MORC1: variants seen among roughly 807,000 people sequenced by gnomAD.
The protein encoded by MORC1 is MORC family CW-type zinc finger protein 1.
Under a neutral mutation model 134.9 loss-of-function variants are expected in MORC1, and 59 were observed. The observed-to-expected ratio is 0.44, with a 90% confidence interval of 0.35 to 0.54. The LOEUF (loss-of-function observed/expected upper bound fraction) is 0.54, where lower values mean the gene tolerates loss of function less well. Ranked by LOEUF, MORC1 falls within the 20% of genes least tolerant of loss-of-function variation. MORC1 has a pLI of 0.00. For missense variants in MORC1, 947 were observed against 1,134.5 expected, an observed-to-expected ratio of 0.83 and a Z score of 2.37; for synonymous variants, 395 against 391.7, an observed-to-expected ratio of 1.01 and a Z score of -0.10.
chr3:109,043,103 G>A (rs1463392696), intron 14 of MORC1, among the ~76,000 whole-genome samples: 1 of 138,426 alleles, frequency 7.2e-6, no homozygotes, highest in East Asian at 2.2e-4. Flanking sequence ...CATCTTCATA[G>A]TAACATTATT....
chr3:109,055,368 T>A (rs1271332624), intron 13 of MORC1, among the ~76,000 whole-genome samples: 7 of 152,184 alleles, frequency 4.6e-5, no homozygotes, highest in Admixed American at 3.9e-4. Flanking sequence ...TCCATGAGGA[T>A]CTCACTGGAA....
chr3:109,025,295 T>C (rs1043437212), intron 17 of MORC1, among the ~76,000 whole-genome samples: 3 of 151,960 alleles, frequency 2.0e-5, no homozygotes, highest in African/African-American at 7.3e-5. Flanking sequence ...GCCCTATCCT[T>C]TTCCCTCTAT....
At chr3:109,041,969 G>C (rs1949564408) in intron 14 of MORC1, among the ~76,000 whole-genome samples, 1 of 151,826 alleles carries the variant, frequency 6.6e-6, no homozygotes, top group African/African-American at 2.4e-5. Context: ...GAATAAAAGT[G>C]AACAGAGCCT....
chr3:109,075,659 T>C (rs555925334), intron 8 of MORC1, among the ~76,000 whole-genome samples: 2 of 152,286 alleles, frequency 1.3e-5, no homozygotes, highest in East Asian at 1.9e-4. Context: ...CTGGTCTATA[T>C]ATCTGTTTTG....
In MORC1 at chr3:108,998,192, G is replaced by A. The variant is rs1035262311; in HGVS notation, c.2187+2365C>T. 5.9e-5 allele frequency among the ~76,000 whole-genome samples: 9 copies of A among 152,156 alleles called. No individual in the cohort carries two copies. The East Asian group carries it at 1.2e-3, about 20-fold the overall frequency. On this transcript the variant is annotated intron_variant, in intron 21 of 27. Transcript: ENST00000232603. ...GCCAGCCCATGCAGATGGGCATAAC[G>A]GGACAGAACGCATAGCTTAAGTCAA...
chr3:108,999,533 T>C (rs1453077490), intron 21 of MORC1, among the ~76,000 whole-genome samples: 3 of 152,220 alleles, frequency 2.0e-5, no homozygotes, highest in East Asian at 1.9e-4. Context: ...GACATTATCA[T>C]AAGTTAAGCT....
chr3:109,047,493 T>C (rs1428792725), intron 14 of MORC1, among the ~76,000 whole-genome samples: 2 of 152,104 alleles, frequency 1.3e-5, no homozygotes, highest in Non-Finnish European at 2.9e-5. Context: ...CTTTCAATGG[T>C]AGTAATTTCA....
intron 17 of MORC1, among the ~76,000 whole-genome samples, chr3:109,012,415 T>G (rs1260956483): frequency 6.6e-6 from 1 of 152,208 alleles, no homozygotes; most frequent in African/African-American, 2.4e-5. Flanking sequence ...AGGTTATTTT[T>G]TCTAAATTCT....
chr3:108,995,028 T>C (rs1219770379), intron 21 of MORC1, among the ~76,000 whole-genome samples: 1 of 152,204 alleles, frequency 6.6e-6, no homozygotes, highest in African/African-American at 2.4e-5. Flanking sequence ...TATGAAGCAT[T>C]GTATAGTAAC....
chr3:109,024,443 T>A (rs1949028558), intron 17 of MORC1, among the ~76,000 whole-genome samples: 1 of 152,184 alleles, frequency 6.6e-6, no homozygotes, highest in Non-Finnish European at 1.5e-5. Context: ...TGGGACAACA[T>A]CTAATAATTA....
At chr3:109,114,278 T>A (rs1951226858) in intron 2 of MORC1, 106 bp downstream of exon 2, 1 of 1,011,508 alleles carries the variant, frequency 9.9e-7, no homozygotes. Context: ...TCACAAAACA[T>A]TCCAGATGGG....
In MORC1 at chr3:109,069,696, T is replaced by G. The variant is rs778298548; in HGVS notation, c.751A>C (p.Arg251=). 1 of 1,613,140 alleles carries G rather than the reference T, an allele frequency of 6.2e-7. No individual in the cohort carries two copies. The highest frequency in any genetic ancestry group is 8.5e-7 in the Non-Finnish European group (1 of 1,179,314). The part of the protein sequence containing the change: ...TSVLYFNPWM[R]IFIQAKRVKT... ...ACTCTCTTGGCTTGAATGAATATTC[T>G]CATCCATGGGTTAAAATACAGAACA... Residue 251 remains arginine (R), a synonymous_variant, in exon 9 of 28, where the codon AGA becomes CGA. Coordinates refer to ENST00000232603, the MANE Select transcript of MORC1 (RefSeq NM_014429.4).
At chr3:109,045,308 C>T (rs1949668707) in intron 14 of MORC1, among the ~76,000 whole-genome samples, 1 of 151,354 alleles carries the variant, frequency 6.6e-6, no homozygotes, top group African/African-American at 2.4e-5. Flanking sequence ...GAATACTGTC[C>T]TGTTTGTCAT....
At chr3:108,984,652 G>A in intron 23 of MORC1, 64 bp downstream of exon 23, 1 of 1,204,368 alleles carries the variant, frequency 8.3e-7, no homozygotes, top group Non-Finnish European at 1.2e-6. Context: ...TTTAAACATT[G>A]ATAATTACTT....
At chr3:109,024,844 T>C (rs1949037346) in intron 17 of MORC1, among the ~76,000 whole-genome samples, 1 of 152,214 alleles carries the variant, frequency 6.6e-6, no homozygotes, top group Admixed American at 6.5e-5. Flanking sequence ...TATTTGAAAC[T>C]GAATGGGGCC....
intron 17 of MORC1, among the ~76,000 whole-genome samples, chr3:109,016,250 C>T (rs189044170): frequency 6.6e-6 from 1 of 152,230 alleles, no homozygotes; most frequent in African/African-American, 2.4e-5. Context: ...ATCCACACTA[C>T]AAGAAATATG....
At chr3:108,979,891 C>G (rs1387648532) in intron 23 of MORC1, among the ~76,000 whole-genome samples, 2 of 151,916 alleles carry the variant, frequency 1.3e-5, no homozygotes, top group Non-Finnish European at 2.9e-5. Flanking sequence ...TAGGTAGTGA[C>G]AATTAAATGG....
chr3:109,099,283 A>G, intron 6 of MORC1, 75 bp downstream of exon 6: 1 of 1,028,084 alleles, frequency 9.7e-7, no homozygotes, highest in Non-Finnish European at 1.4e-6. Context: ...ACCCATGACA[A>G]GACTTCACCT....
intron 23 of MORC1, among the ~76,000 whole-genome samples, chr3:108,980,146 C>T (rs896968551): frequency 5.9e-5 from 9 of 152,096 alleles, no homozygotes; most frequent in African/African-American, 1.7e-4. Context: ...TCTCTTTTCT[C>T]CATTTCCCCA....
Sources: gnomAD v4.1 joint callset for allele counts (sites outside exome capture counted in the v4.1 genomes callset) on GRCh38, gnomAD v4.1.1 for gene constraint, MANE v1.5 for transcripts, NCBI Gene and HGNC (gene_info 2026-07-23, HGNC 2026-07-21) for gene names.